The following KANK1 variants were observed in gnomAD, a reference collection of about 807,000 sequenced individuals.
The protein encoded by KANK1 is KN motif and ankyrin repeat domain-containing protein 1.
KANK1 carries 109 observed loss-of-function variants against 106.2 expected under a neutral mutation model. That is an observed-to-expected ratio of 1.03 (90% CI 0.88 to 1.20). The LOEUF (loss-of-function observed/expected upper bound fraction) is 1.20. KANK1 is among the 50% of genes most tolerant of loss of function. The probability of loss-of-function intolerance (pLI) is 0.00; values close to 1 mark genes in which losing one functional copy is unlikely to be tolerated. For synonymous variants in KANK1, 873 were observed against 652.2 expected (o/e 1.34, Z -5.16); for missense variants, 2,399 against 1,710.7 (o/e 1.40, Z -7.10).
intron 3 of KANK1, among the ~76,000 whole-genome samples, chr9:486,355 G>A (rs982729630): frequency 6.6e-6 from 1 of 152,108 alleles, no homozygotes; most frequent in Non-Finnish European, 1.5e-5. Flanking sequence ...CATCATCGTC[G>A]TCATGATCAT....
chr9:508,102 G>A (rs557856685), intron 1 of KANK1, among the ~76,000 whole-genome samples: 1 of 137,044 alleles, frequency 7.3e-6, no homozygotes, highest in African/African-American at 2.6e-5. Flanking sequence ...GATTACAGGT[G>A]TGAGACACCC....
chr9:509,339 A>C (rs886769399), intron 1 of KANK1, among the ~76,000 whole-genome samples: 1 of 152,080 alleles, frequency 6.6e-6, no homozygotes, highest in African/African-American at 2.4e-5. Flanking sequence ...CTCGTGATCC[A>C]CCCACCTCGG....
chr9:617,493 GT>G (rs780696476), intron 1 of KANK1, among the ~76,000 whole-genome samples: 1 of 152,118 alleles, frequency 6.6e-6, no homozygotes, highest in Non-Finnish European at 1.5e-5. Context: ...GGCCAAAGAG[GT>G]TCAGGACCCT....
intron 1 of KANK1, among the ~76,000 whole-genome samples, chr9:610,532 T>C (rs545322873): frequency 7.5e-4 from 114 of 152,332 alleles, no homozygotes; most frequent in Non-Finnish European, 1.2e-3. Flanking sequence ...AGTGTTGGTT[T>C]AATATAGCAG....
At chr9:473,590 C>G (rs1445559264) in intron 3 of KANK1, among the ~76,000 whole-genome samples, 1 of 152,190 alleles carries the variant, frequency 6.6e-6, no homozygotes, top group Non-Finnish European at 1.5e-5. Context: ...CTATGGTTAG[C>G]TATGGGTATT....
chr9:635,280 A>G (rs1205726174), intron 1 of KANK1, among the ~76,000 whole-genome samples: 5 of 152,092 alleles, frequency 3.3e-5, no homozygotes, highest in African/African-American at 1.2e-4. Context: ...CCCCAGGCCT[A>G]TACCCGAGTT....
At chr9:707,150 G>A (rs927612833) in intron 2 of KANK1, 1 of 985,560 alleles carries the variant, frequency 1.0e-6, no homozygotes, top group Non-Finnish European at 1.2e-6. Context: ...TCTCCTCACG[G>A]GGTGAGGATC....
At chr9:553,583 C>G (rs2061404125) in intron 1 of KANK1, among the ~76,000 whole-genome samples, 2 of 152,112 alleles carry the variant, frequency 1.3e-5, no homozygotes, top group South Asian at 4.1e-4. Flanking sequence ...ATGCCAAGAA[C>G]CTGTGTAACA....
At chr9:593,228 A>G (rs1049321944) in intron 1 of KANK1, among the ~76,000 whole-genome samples, 1 of 151,838 alleles carries the variant, frequency 6.6e-6, no homozygotes, top group African/African-American at 2.4e-5. Context: ...TTTGGAAAAT[A>G]TGGATTATTA....
At chr9:630,880 G>A (rs530313940) in intron 1 of KANK1, among the ~76,000 whole-genome samples, 42 of 152,062 alleles carry the variant, frequency 2.8e-4, no homozygotes, top group Non-Finnish European at 5.3e-4. Flanking sequence ...ACTTGAACCC[G>A]GGATGTAGAG....
chr9:660,485 A>T (rs1843049239), intron 1 of KANK1, among the ~76,000 whole-genome samples: 1 of 152,150 alleles, frequency 6.6e-6, no homozygotes, highest in African/African-American at 2.4e-5. Context: ...TCATGCAGTA[A>T]ACTTGAAAGA....
intron 3 of KANK1, among the ~76,000 whole-genome samples, chr9:496,299 A>G (rs554226491): frequency 6.6e-6 from 1 of 152,336 alleles, no homozygotes; most frequent in East Asian, 1.9e-4. Flanking sequence ...CACGCATGTA[A>G]TCCCAGTACT....
intron 2 of KANK1, among the ~76,000 whole-genome samples, chr9:689,568 A>G (rs10975836): frequency 0.5 from 72,455 of 145,578 alleles, 19,236 homozygotes; most frequent in Non-Finnish European, 0.62. Flanking sequence ...AAAAGCAGGC[A>G]CCTTTGCTGG....
intron 1 of KANK1, among the ~76,000 whole-genome samples, chr9:670,374 T>G (rs889209277): frequency 1.3e-5 from 2 of 152,200 alleles, no homozygotes; most frequent in African/African-American, 4.8e-5. Flanking sequence ...TGCTTAGAGA[T>G]TATTTGTAAT....
intron 1 of KANK1, among the ~76,000 whole-genome samples, chr9:519,890 C>A (rs1237861311): frequency 6.6e-6 from 1 of 151,722 alleles, no homozygotes; most frequent in Non-Finnish European, 1.5e-5. Flanking sequence ...TCATTCATTC[C>A]ATTCCATTGA....
Position 592,394 on chromosome 9 carries a change from G to C in KANK1, c.-83-84496G>C, listed in dbSNP as rs145092629. Among the ~76,000 whole-genome samples the C allele has an allele frequency of 2.9e-3, 438 of 151,940 alleles. 1 individual carries two copies. Among genetic ancestry groups the C allele is most frequent in the Middle Eastern group, 0.02 (6 of 294 alleles). The stretch of plus-strand genomic sequence containing the variant: ...ACAAGTGTGTTGACTCAAAGACTTT[G>C]TCATTACATCCATACTGAATAAATG... On this transcript the variant is annotated intron_variant, in intron 1 of 11. Coordinates refer to ENST00000382297, the MANE Select transcript of KANK1 (RefSeq NM_015158.5).
intron 2 of KANK1, among the ~76,000 whole-genome samples, chr9:703,743 G>C (rs751611378): frequency 2.8e-4 from 42 of 149,976 alleles, no homozygotes; most frequent in Admixed American, 1.2e-3. Context: ...ACGGAGTCTT[G>C]CTCTGTCACC....
chr9:598,693 C>T lies in KANK1; in HGVS notation c.-83-78197C>T, dbSNP rs1468021742. Among the ~76,000 whole-genome samples, 11 of 123,638 alleles carry T rather than the reference C, an allele frequency of 8.9e-5. No individual in the cohort carries two copies. The East Asian group carries it at 1.0e-3, about 12-fold the overall frequency. The allele number at this position is 123,638 out of a possible 152,430, so 81.1% of individuals were successfully genotyped here. ...TTGCCCAGGCTGGAGTGCGGTGGCA[C>T]GACCTCGGCTCACTGCAACCTCCTC... On this transcript the variant is annotated intron_variant, in intron 1 of 11. Coordinates refer to ENST00000382297, the MANE Select transcript of KANK1 (RefSeq NM_015158.5).
chr9:739,670 G>T (rs1324995532), intron 8 of KANK1, among the ~76,000 whole-genome samples: 1 of 152,188 alleles, frequency 6.6e-6, no homozygotes, highest in African/African-American at 2.4e-5. Context: ...ACTCCTGACA[G>T]GAACAGCTTA....
Sources: allele counts gnomAD v4.1 joint callset (sites outside exome capture counted in the v4.1 genomes callset), GRCh38; gene constraint gnomAD v4.1.1; transcripts MANE v1.5; gene names NCBI Gene and HGNC (gene_info 2026-07-23, HGNC 2026-07-21).